Variants in DENND3 observed in about 807,000 individuals in gnomAD.
The protein encoded by DENND3 is DENN domain-containing protein 3.
DENND3 carries 88 observed loss-of-function variants against 135.1 expected under a neutral mutation model. The observed-to-expected ratio is 0.65, with a 90% CI of 0.55 to 0.78. The LOEUF (loss-of-function observed/expected upper bound fraction) is 0.78. DENND3 is among the 30% of genes least tolerant of loss of function. The probability of loss-of-function intolerance (pLI) is 0.00; values close to 1 mark genes in which losing one functional copy is unlikely to be tolerated. For missense variants in DENND3, 1,392 were observed against 1,688.4 expected, an observed-to-expected ratio of 0.82 and a Z score of 3.08; for synonymous variants, 693 against 712.3, an observed-to-expected ratio of 0.97 and a Z score of 0.43.
chr8:141,181,225 C>T (rs1223538903), intron 17 of DENND3, among the ~76,000 whole-genome samples: 1 of 152,112 alleles, frequency 6.6e-6, no homozygotes, highest in Non-Finnish European at 1.5e-5. Context: ...AGTGGTGAAT[C>T]TTGGCTCACT....
intron 15 of DENND3, 139 bp downstream of exon 15, chr8:141,176,900 C>G (rs1195817809): frequency 2.2e-6 from 2 of 922,486 alleles, no homozygotes; most frequent in African/African-American, 3.3e-5. Flanking sequence ...GTTTGTCGGA[C>G]ACCATCTTGA....
In DENND3 at chr8:141,143,176, G is replaced by A. The variant is rs183134176; in HGVS notation, c.624-972G>A. On this transcript the variant is annotated intron_variant, in intron 4 of 22. Transcript: ENST00000519811. ...AGTTTTAAAAAAATCGGTTCTGTTAGTGTGATAATATGCAAAATATGTCTC... is the reference window on the plus strand; with the variant it reads ...AGTTTTAAAAAAATCGGTTCTGTTAATGTGATAATATGCAAAATATGTCTC... Among the ~76,000 whole-genome samples, 607 of 152,312 alleles carry A rather than the reference G, an allele frequency of 4.0e-3. 4 individuals carry two copies. The highest frequency in any genetic ancestry group is 0.014 in the African/African-American group (587 of 41,568).
At position 141,128,718 on chromosome 8, in the gene DENND3, C is replaced by T; in HGVS notation, c.11C>T (p.Ala4Val). 5.6e-6 allele frequency: 8 copies of T among 1,417,120 alleles called. No individual in the cohort carries two copies. Among genetic ancestry groups the T allele is most frequent in the Non-Finnish European group, 7.4e-6 (8 of 1,086,900 alleles). The allele number at this position is 1,417,120 out of a possible 1,614,324, so 87.8% of individuals were successfully genotyped here. A position where few individuals can be genotyped will look rare whatever the true frequency, so the allele number is the denominator to read the frequency against. ...GGGCGGCGGGCAGCCATGGCGGAGG[C>T]CGCGTCGCCGCACTTGTCGCTGCCC... MAEAASPHLSLPSG... is the reference protein window; with the variant it reads MAEVASPHLSLPSG... Residue 4 changes from alanine to valine, a missense_variant, in exon 1 of 23, where the codon GCC becomes GTC. Transcript: ENST00000519811. The surrounding 1 kb of genome is among the most constrained non-coding windows in gnomAD (Gnocchi z 4.5).
rs528972434 is a variant in DENND3, at chr8:141,168,712, G to T, written c.2275+187G>T. ...ACTACAGGTACGCGACACCGTGCCC[G>T]GCTAATTTTAGTATTTTTTGTAGAG... On this transcript the variant is annotated intron_variant, in intron 13 of 22. Coordinates refer to ENST00000519811, the MANE Select transcript of DENND3 (RefSeq NM_001352890.3). This position sits in a 1 kb window ranked among gnomAD's most constrained non-coding sequence, Gnocchi z 6.2. Among the ~76,000 whole-genome samples, 2 of 151,980 alleles carry T rather than the reference G, an allele frequency of 1.3e-5. No individual in the cohort carries two copies. Among genetic ancestry groups the T allele is most frequent in the East Asian group, 3.9e-4 (2 of 5,168 alleles).
intron 22 of DENND3, chr8:141,193,121 G>C (rs987975381): frequency 1.8e-5 from 5 of 276,742 alleles, no homozygotes; most frequent in South Asian, 1.7e-4. Context: ...CCCTGTGTGT[G>C]TCTCTTATGG....
In DENND3 at chr8:141,141,415, G is replaced by A; in HGVS notation, c.623+91G>A. ...AAGGGACCAGGGGGCTGGAGGTGGT[G>A]GGGGGGCAGCTCTCTGTTCCTCTCC... On this transcript the variant is annotated intron_variant, in intron 4 of 22. Coordinates refer to ENST00000519811, the MANE Select transcript of DENND3 (RefSeq NM_001352890.3). The surrounding 1 kb of genome is among the most constrained non-coding windows in gnomAD (Gnocchi z 5.3). 2.7e-6 allele frequency: 4 copies of A among 1,462,502 alleles called. No homozygotes were observed. Among genetic ancestry groups the A allele is most frequent in the South Asian group, 1.2e-5 (1 of 84,588 alleles). The allele number at this position is 1,462,502 out of a possible 1,614,324, so 90.6% of individuals were successfully genotyped here. A position where few individuals can be genotyped will look rare whatever the true frequency, so the allele number is the denominator to read the frequency against.
intron 22 of DENND3, 58 bp downstream of exon 22, chr8:141,192,721 G>A (rs747947213): frequency 1.9e-5 from 30 of 1,608,208 alleles, no homozygotes; most frequent in African/African-American, 1.7e-4. Context: ...TGCCCTGGCC[G>A]CATCCCCATG....
intron 22 of DENND3, 130 bp from the exon 23 acceptor site, chr8:141,193,903 G>A (rs1300564825): frequency 1.8e-5 from 19 of 1,054,850 alleles, no homozygotes; most frequent in South Asian, 7.6e-5. Flanking sequence ...ACCCTCAGGC[G>A]GCAGAGGCCC....
Position 141,128,799 on chromosome 8 carries a change from G to C in DENND3, c.92G>C (p.Ser31Thr). The stretch of plus-strand genomic sequence containing the variant: ...GGCGCCCCCCGGGACAGTCTCCGAA[G>C]TCTCGAGCAGGTGAGGGGCGGGGAA... ...LLGAPRDSLR[S>T]LEQVAYKKGV... is the part of the protein sequence containing the mutation. The change falls in exon 1 of 23, where the codon AGT becomes ACT. Residue 31 changes from serine to threonine, a missense_variant. By Grantham distance (58) the Ser-to-Thr change is moderately conservative. Transcript: ENST00000519811. This position sits in a 1 kb window ranked among gnomAD's most constrained non-coding sequence, Gnocchi z 4.5. 1 of 1,443,218 alleles carries C rather than the reference G, an allele frequency of 6.9e-7. No homozygotes were observed. The highest frequency in any genetic ancestry group is 9.1e-7 in the Non-Finnish European group (1 of 1,095,118). The allele number at this position is 1,443,218 out of a possible 1,614,324, so 89.4% of individuals were successfully genotyped here. A position where few individuals can be genotyped will look rare whatever the true frequency, so the allele number is the denominator to read the frequency against.
intron 13 of DENND3, among the ~76,000 whole-genome samples, chr8:141,172,614 C>T (rs759302416): frequency 1.3e-5 from 2 of 152,212 alleles, no homozygotes; most frequent in South Asian, 4.1e-4. Flanking sequence ...CTCAGGGTGT[C>T]TGGCTCCTTC....
At chr8:141,171,985 ATGG>A (rs763349112) in intron 13 of DENND3, among the ~76,000 whole-genome samples, 8 of 143,612 alleles carry the variant, frequency 5.6e-5, no homozygotes, top group African/African-American at 1.6e-4. Flanking sequence ...GTGGGTGTGC[ATGG>A]TGGTGGCCGT....
chr8:141,194,869 C>G lies in DENND3; in HGVS notation c.*636C>G, dbSNP rs202203242. The G allele has an allele frequency of 2.1e-5, 3 of 142,938 alleles. No homozygotes were observed. Among genetic ancestry groups the G allele is most frequent in the Non-Finnish European group, 3.0e-5 (2 of 65,604 alleles). 8.9% of individuals were successfully genotyped at this position (142,938 alleles called of 1,614,324 possible). Reference sequence around the variant, plus strand: ...AGCTGAGGCAAGCTGTCTTTTTTCCCTTTTCTTTTTAATAGATGCAACATT... The same window carrying G: ...AGCTGAGGCAAGCTGTCTTTTTTCCGTTTTCTTTTTAATAGATGCAACATT... On this transcript the variant is annotated 3_prime_UTR_variant, in exon 23 of 23. Transcript: ENST00000519811.
At chr8:141,181,701 CT>C (rs1193053206) in intron 17 of DENND3, among the ~76,000 whole-genome samples, 1 of 152,130 alleles carries the variant, frequency 6.6e-6, no homozygotes, top group Non-Finnish European at 1.5e-5. Flanking sequence ...AGCAGGGAAG[CT>C]TATGCTGAGG....
At chr8:141,156,071 G>T in intron 8 of DENND3, 101 bp downstream of exon 8, 1 of 1,401,208 alleles carries the variant, frequency 7.1e-7, no homozygotes, top group African/African-American at 1.5e-5. Context: ...ACTGATAGAT[G>T]TTTTATATAT....
Position 141,144,584 on chromosome 8 carries a change from A to G in DENND3, c.735+325A>G, listed in dbSNP as rs537598412. Among the ~76,000 whole-genome samples, 10 of 152,034 alleles carry G rather than the reference A, an allele frequency of 6.6e-5. No homozygotes were observed. The highest frequency in any genetic ancestry group is 1.5e-4 in the Non-Finnish European group (10 of 67,994). ...TAAAACGAAAATCCTAAGCCTCCCT[A>G]CTGACTGAACAGGTTCCCTCTTGGC... On this transcript the variant is annotated intron_variant, in intron 5 of 22. Coordinates refer to ENST00000519811, the MANE Select transcript of DENND3 (RefSeq NM_001352890.3). The surrounding 1 kb of genome is among the most constrained non-coding windows in gnomAD (Gnocchi z 4.4).
chr8:141,177,993 T>A, intron 15 of DENND3, 74 bp from the exon 16 acceptor site: 1 of 1,522,760 alleles, frequency 6.6e-7, no homozygotes, highest in Non-Finnish European at 8.8e-7. Context: ...TTGTCCTGTG[T>A]GTTGCAACAA....
At position 141,166,417 on chromosome 8, in the gene DENND3, G is replaced by C; in HGVS notation, c.1753+28G>C. ...GAGGGCTGCCCCCCACTGTGGTGCTGTGTGTCGGTCCCACCATTCCTGCAC... is the reference window on the plus strand; with the variant it reads ...GAGGGCTGCCCCCCACTGTGGTGCTCTGTGTCGGTCCCACCATTCCTGCAC... On this transcript the variant is annotated intron_variant, in intron 12 of 22. Coordinates refer to ENST00000519811, the MANE Select transcript of DENND3 (RefSeq NM_001352890.3). The surrounding 1 kb of genome is among the most constrained non-coding windows in gnomAD (Gnocchi z 4.3). 1.3e-6 allele frequency: 2 copies of C among 1,595,718 alleles called. No homozygotes were observed. Among genetic ancestry groups the C allele is most frequent in the Non-Finnish European group, 1.7e-6 (2 of 1,173,060 alleles).
chr8:141,183,188 TTA>T (rs1823400061), intron 17 of DENND3, among the ~76,000 whole-genome samples: 1 of 152,172 alleles, frequency 6.6e-6, no homozygotes, highest in Admixed American at 6.5e-5. Context: ...AATGCATAAA[TTA>T]TATATAAAAT....
chr8:141,151,534 C>A, intron 6 of DENND3, 85 bp from the exon 7 acceptor site: 1 of 1,330,886 alleles, frequency 7.5e-7, no homozygotes, highest in Non-Finnish European at 1.1e-6. Context: ...GCACTCCAGC[C>A]TGGGCTGGGC....
Sources: allele counts gnomAD v4.1 joint callset (sites outside exome capture counted in the v4.1 genomes callset), GRCh38; gene constraint gnomAD v4.1.1; non-coding constraint Gnocchi (gnomAD v3.1); transcripts MANE v1.5; gene names NCBI Gene and HGNC (gene_info 2026-07-23, HGNC 2026-07-21).